The following RETREG1 variants were observed in gnomAD, a reference collection of about 807,000 sequenced individuals.
The protein encoded by RETREG1 is reticulophagy regulator 1, also known as family with sequence similarity 134 member B.
Under a neutral mutation model 54.8 loss-of-function variants are expected in RETREG1, and 44 were observed. The observed-to-expected ratio is 0.80, with a 90% confidence interval of 0.63 to 1.03. RETREG1 has a LOEUF of 1.03. Ranked by LOEUF, RETREG1 falls within the 50% of genes least tolerant of loss-of-function variation. The pLI is 0.00. For synonymous variants in RETREG1, 217 were observed against 238.5 expected, an observed-to-expected ratio of 0.91 and a Z score of 0.83; for missense variants, 554 against 605.1, an observed-to-expected ratio of 0.92 and a Z score of 0.89.
intron 3 of RETREG1, among the ~76,000 whole-genome samples, chr5:16,496,091 T>TC (rs892786677): frequency 6.6e-6 from 1 of 151,718 alleles, no homozygotes; most frequent in African/African-American, 2.4e-5. Context: ...TTTCTGCTCA[T>TC]CCCCCCAAAC....
At chr5:16,495,076 ACT>A (rs1457398148) in intron 3 of RETREG1, among the ~76,000 whole-genome samples, 1 of 152,068 alleles carries the variant, frequency 6.6e-6, no homozygotes, top group African/African-American at 2.4e-5. Context: ...GCCCTGTGAA[ACT>A]CTGAACTTAA....
chr5:16,552,164 G>T (rs555618714), intron 3 of RETREG1, among the ~76,000 whole-genome samples: 95 of 152,292 alleles, frequency 6.2e-4, no homozygotes, highest in Non-Finnish European at 7.9e-4. Context: ...ACACACAATG[G>T]TGTGGAAGAC....
intron 3 of RETREG1, among the ~76,000 whole-genome samples, chr5:16,502,325 C>T (rs1248496485): frequency 6.6e-6 from 1 of 152,104 alleles, no homozygotes; most frequent in Non-Finnish European, 1.5e-5. Context: ...ACATTCTTCC[C>T]AAGGGAAAGT....
intron 1 of RETREG1, among the ~76,000 whole-genome samples, chr5:16,602,948 C>T (rs1467997883): frequency 2.0e-5 from 3 of 152,030 alleles, no homozygotes; most frequent in Non-Finnish European, 4.4e-5. Context: ...GAGGAGGTTG[C>T]GGTGAGCCGA....
chr5:16,483,557 A>G, intron 3 of RETREG1, 85 bp from the exon 4 acceptor site: 1 of 1,450,066 alleles, frequency 6.9e-7, no homozygotes, highest in South Asian at 1.2e-5. Flanking sequence ...TTTATTGAGC[A>G]TCTACTGTTG....
At chr5:16,503,262 T>C (rs1739794385) in intron 3 of RETREG1, among the ~76,000 whole-genome samples, 1 of 152,210 alleles carries the variant, frequency 6.6e-6, no homozygotes, top group African/African-American at 2.4e-5. Context: ...ATGTTCTTAA[T>C]CAATTTTAAA....
chr5:16,601,399 T>A (rs1222896451), intron 1 of RETREG1, among the ~76,000 whole-genome samples: 1 of 151,438 alleles, frequency 6.6e-6, no homozygotes, highest in Admixed American at 6.6e-5. Flanking sequence ...TTCTTTTTTT[T>A]TTTTTCTTTT....
intron 1 of RETREG1, among the ~76,000 whole-genome samples, chr5:16,599,666 TCTGCTGGAAG>T (rs1742997468): frequency 6.6e-6 from 1 of 152,182 alleles, no homozygotes; most frequent in Non-Finnish European, 1.5e-5. Context: ...TGCTCTCTGC[TCTGCTGGAAG>T]CAGCATTCAG....
intron 3 of RETREG1, among the ~76,000 whole-genome samples, chr5:16,517,892 G>C (rs1740408986): frequency 6.6e-6 from 1 of 151,934 alleles, no homozygotes; most frequent in African/African-American, 2.4e-5. Flanking sequence ...AAACAACCTA[G>C]AGGTCTATCA....
intron 3 of RETREG1, among the ~76,000 whole-genome samples, chr5:16,550,275 TAA>T (rs5866190): frequency 6.1e-4 from 90 of 148,290 alleles, no homozygotes; most frequent in African/African-American, 1.7e-3. Flanking sequence ...CTTTAAAATT[TAA>T]AAAAAAAAAA....
chr5:16,579,016 A>G (rs115178485), intron 1 of RETREG1, among the ~76,000 whole-genome samples: 2 of 152,174 alleles, frequency 1.3e-5, no homozygotes, highest in Non-Finnish European at 2.9e-5. Context: ...AAAGAGACCA[A>G]TGCATTCCAG....
In RETREG1 at chr5:16,549,957, G is replaced by A. The variant is rs375163154; in HGVS notation, c.458+15806C>T. ...GAAGTAAATAGTGAAAGTACTGCTC[G>A]GGCGTTAAAGTGACATGAGATGGCT... On this transcript the variant is annotated intron_variant, in intron 3 of 8. Coordinates refer to ENST00000306320, the MANE Select transcript of RETREG1 (RefSeq NM_001034850.3). Among the ~76,000 whole-genome samples the A allele has an allele frequency of 6.0e-4, 91 of 152,218 alleles. 1 individual carries two copies. In the South Asian group the frequency reaches 0.018, roughly 31 times the overall value.
intron 3 of RETREG1, among the ~76,000 whole-genome samples, chr5:16,495,184 G>T (rs961693050): frequency 2.0e-5 from 3 of 152,180 alleles, no homozygotes; most frequent in Non-Finnish European, 4.4e-5. Flanking sequence ...GCTTATATGT[G>T]TGAGCAAAGA....
At chr5:16,568,784 A>T (rs1271223) in intron 2 of RETREG1, among the ~76,000 whole-genome samples, 51,277 of 152,066 alleles carry the variant, frequency 0.34, 10,096 homozygotes, top group Non-Finnish European at 0.43. Context: ...ATACAACAAC[A>T]TGCACGGGAA....
intron 1 of RETREG1, among the ~76,000 whole-genome samples, chr5:16,582,041 A>G (rs1742497645): frequency 6.6e-6 from 1 of 152,248 alleles, no homozygotes; most frequent in South Asian, 2.1e-4. Flanking sequence ...TAAAGCAAAC[A>G]TTATATATGA....
chr5:16,595,642 A>G (rs547103601), intron 1 of RETREG1, among the ~76,000 whole-genome samples: 1 of 152,316 alleles, frequency 6.6e-6, no homozygotes, highest in South Asian at 2.1e-4. Context: ...CTGAATGTTA[A>G]ACACCTGTTT....
Position 16,477,924 on chromosome 5 carries a change from A to T in RETREG1, c.873+110T>A, listed in dbSNP as rs1438220648. 7 of 1,372,972 alleles carry T rather than the reference A, an allele frequency of 5.1e-6. No individual in the cohort carries two copies. The East Asian group carries it at 1.7e-4, about 33-fold the overall frequency. The allele number at this position is 1,372,972 out of a possible 1,614,324, so 85.0% of individuals were successfully genotyped here. On this transcript the variant is annotated intron_variant, in intron 7 of 8. Coordinates refer to ENST00000306320, the MANE Select transcript of RETREG1 (RefSeq NM_001034850.3). ...ATTTTTATTTTGAAATCATTCAGTCATCTTACAGAAATATGAGGAGTTTAT... is the reference window on the plus strand; with the variant it reads ...ATTTTTATTTTGAAATCATTCAGTCTTCTTACAGAAATATGAGGAGTTTAT...
chr5:16,598,412 C>T (rs1012091959), intron 1 of RETREG1, among the ~76,000 whole-genome samples: 2 of 152,196 alleles, frequency 1.3e-5, no homozygotes, highest in African/African-American at 4.8e-5. Flanking sequence ...GTGATTCTAC[C>T]TACCATGTTC....
chr5:16,615,451 T>TA (rs912930324), intron 1 of RETREG1, among the ~76,000 whole-genome samples: 3 of 151,226 alleles, frequency 2.0e-5, no homozygotes, highest in Non-Finnish European at 4.4e-5. Flanking sequence ...AATAAAATGT[T>TA]AAAAACATCG....
Sources: allele counts gnomAD v4.1 joint callset (sites outside exome capture counted in the v4.1 genomes callset), GRCh38; gene constraint gnomAD v4.1.1; transcripts MANE v1.5; gene names NCBI Gene and HGNC (gene_info 2026-07-23, HGNC 2026-07-21).